The following B3GAT2 variants were observed in gnomAD, a reference collection of about 807,000 sequenced individuals.
B3GAT2 encodes galactosylgalactosylxylosylprotein 3-beta-glucuronosyltransferase 2.
In B3GAT2, 26 loss-of-function variants were observed where a neutral mutation model predicts 27.8. That is an observed-to-expected ratio of 0.93 (90% CI 0.68 to 1.30). The LOEUF is 1.30. B3GAT2 is among the 50% of genes most tolerant of loss of function. B3GAT2 has a pLI of 0.00. For missense variants in B3GAT2, 458 were observed against 459.0 expected, an observed-to-expected ratio of 1.00 and a Z score of 0.02; for synonymous variants, 218 against 195.1, an observed-to-expected ratio of 1.12 and a Z score of -0.98.
rs558888524 is a variant in B3GAT2, at chr6:70,912,861, C to T, written c.592-18589G>A. Among the ~76,000 whole-genome samples, 29 of 152,206 alleles carry T rather than the reference C, an allele frequency of 1.9e-4. 1 individual carries two copies. In the South Asian group the frequency reaches 4.6e-3, roughly 24 times the overall value. ...TTCAATTTTGGAACTTGTTATTGGT[C>T]TGTTCAGGGTTTCAATTTCTTCCTT... On this transcript the variant is annotated intron_variant, in intron 1 of 3. Transcript: ENST00000230053.
chr6:70,940,376 G>C (rs1723627628), intron 1 of B3GAT2, among the ~76,000 whole-genome samples: 8 of 152,172 alleles, frequency 5.3e-5, no homozygotes, highest in Admixed American at 5.2e-4. Flanking sequence ...TGGACACAGA[G>C]AAGGCTGGCA....
chr6:70,874,563 T>C (rs929504991), intron 2 of B3GAT2, among the ~76,000 whole-genome samples: 2 of 152,188 alleles, frequency 1.3e-5, no homozygotes, highest in African/African-American at 4.8e-5. Context: ...GTCCTACACA[T>C]CCACAAGGCC....
chr6:70,921,901 T>C (rs1456473469), intron 1 of B3GAT2, among the ~76,000 whole-genome samples: 1 of 152,214 alleles, frequency 6.6e-6, no homozygotes, highest in African/African-American at 2.4e-5. Flanking sequence ...GATGTAACGC[T>C]GATGGGCTGG....
At chr6:70,949,375 C>T (rs1185719545) in intron 1 of B3GAT2, among the ~76,000 whole-genome samples, 3 of 152,136 alleles carry the variant, frequency 2.0e-5, no homozygotes, top group African/African-American at 7.2e-5. Flanking sequence ...ACAAACAACC[C>T]CATCAACAAG....
intron 2 of B3GAT2, among the ~76,000 whole-genome samples, chr6:70,887,917 A>T (rs1308188903): frequency 6.6e-6 from 1 of 152,148 alleles, no homozygotes; most frequent in Non-Finnish European, 1.5e-5. Context: ...GGGGAACAAG[A>T]ATAGTAAGGT....
chr6:70,929,504 C>T (rs1245932050), intron 1 of B3GAT2, among the ~76,000 whole-genome samples: 1 of 152,174 alleles, frequency 6.6e-6, no homozygotes, highest in Non-Finnish European at 1.5e-5. Flanking sequence ...AGCAAAGTCT[C>T]AGGATACAAA....
At chr6:70,922,232 T>C (rs1212438245) in intron 1 of B3GAT2, among the ~76,000 whole-genome samples, 2 of 152,102 alleles carry the variant, frequency 1.3e-5, no homozygotes, top group Non-Finnish European at 2.9e-5. Flanking sequence ...AAAAAATATA[T>C]TTAAAAGGTA....
chr6:70,951,810 A>G (rs1027155125), intron 1 of B3GAT2, among the ~76,000 whole-genome samples: 2 of 152,168 alleles, frequency 1.3e-5, no homozygotes, highest in African/African-American at 4.8e-5. Flanking sequence ...ATGACTCTTA[A>G]TAGCTTTCAG....
intron 2 of B3GAT2, among the ~76,000 whole-genome samples, chr6:70,887,578 T>C (rs1772209213): frequency 6.6e-6 from 1 of 152,120 alleles, no homozygotes; most frequent in South Asian, 2.1e-4. Flanking sequence ...GAGGGCAGGA[T>C]AGTCCGGCTT....
intron 2 of B3GAT2, among the ~76,000 whole-genome samples, chr6:70,875,901 T>C (rs962845987): frequency 3.3e-5 from 5 of 152,166 alleles, no homozygotes; most frequent in Non-Finnish European, 5.9e-5. Context: ...CATAGAAAAC[T>C]GAATCTTCTA....
chr6:70,928,216 C>A (rs1772996257), intron 1 of B3GAT2, among the ~76,000 whole-genome samples: 1 of 151,876 alleles, frequency 6.6e-6, no homozygotes, highest in African/African-American at 2.4e-5. Flanking sequence ...GCACTAAATG[C>A]CCACAAGAGA....
chr6:70,882,505 A>T (rs769508073), intron 2 of B3GAT2, among the ~76,000 whole-genome samples: 14 of 152,166 alleles, frequency 9.2e-5, no homozygotes, highest in Admixed American at 6.5e-5. Flanking sequence ...CATCTCAAAA[A>T]ATAAAAAATA....
chr6:70,875,010 A>ATT (rs1480536390), intron 2 of B3GAT2, among the ~76,000 whole-genome samples: 1 of 151,964 alleles, frequency 6.6e-6, no homozygotes, highest in Non-Finnish European at 1.5e-5. Context: ...TTTTTAAAAA[A>ATT]AAAAAAACAA....
Position 70,858,209 on chromosome 6 carries a change from C to T in B3GAT2, c.*3454G>A, listed in dbSNP as rs760174961. 2 of 1,613,200 alleles carry T rather than the reference C, an allele frequency of 1.2e-6. No individual in the cohort carries two copies. The highest frequency in any genetic ancestry group is 2.2e-5 in the South Asian group (2 of 91,002). Reference sequence around the variant, plus strand: ...GTTTGGCCTGCCGCAAGCTCAGCAGCCCCAGTGGAGCCTCTCACAGGTAGG... The same window carrying T: ...GTTTGGCCTGCCGCAAGCTCAGCAGTCCCAGTGGAGCCTCTCACAGGTAGG... On this transcript the variant is annotated 3_prime_UTR_variant, in exon 4 of 4. Transcript: ENST00000230053.
Position 70,860,735 on chromosome 6 carries a change from G to A in B3GAT2, c.*928C>T. The stretch of plus-strand genomic sequence containing the variant: ...GCCAGTAATCCTGTAGGAAGGTACT[G>A]TATGATCAAATGTTTAATCATATAA... On this transcript the variant is annotated 3_prime_UTR_variant, in exon 4 of 4. Coordinates refer to ENST00000230053, the MANE Select transcript of B3GAT2 (RefSeq NM_080742.3). 2.5e-6 allele frequency: 1 copy of A among 401,372 alleles called. No homozygotes were observed. The highest frequency in any genetic ancestry group is 4.4e-6 in the Non-Finnish European group (1 of 227,378). 24.9% of individuals were successfully genotyped at this position (401,372 alleles called of 1,614,324 possible). A position where few individuals can be genotyped will look rare whatever the true frequency, so the allele number is the denominator to read the frequency against.
At chr6:70,922,983 G>A (rs1189123414) in intron 1 of B3GAT2, among the ~76,000 whole-genome samples, 1 of 152,104 alleles carries the variant, frequency 6.6e-6, no homozygotes, top group Admixed American at 6.5e-5. Flanking sequence ...ATATAAATGG[G>A]TATAACAACA....
rs190249712 is a variant in B3GAT2, at chr6:70,892,536, T to C, written c.736+1592A>G. On this transcript the variant is annotated intron_variant, in intron 2 of 3. Coordinates refer to ENST00000230053, the MANE Select transcript of B3GAT2 (RefSeq NM_080742.3). Reference sequence around the variant, plus strand: ...TGGGAAAATCTGAAGCAAAAGTCTGTCTGCGGCTGCTTGAGCAGTCACAAT... The same window carrying C: ...TGGGAAAATCTGAAGCAAAAGTCTGCCTGCGGCTGCTTGAGCAGTCACAAT... Among the ~76,000 whole-genome samples the C allele has an allele frequency of 3.5e-3, 532 of 152,262 alleles. 2 individuals are homozygous for C. Among genetic ancestry groups the C allele is most frequent in the Non-Finnish European group, 5.9e-3 (400 of 68,022 alleles).
At chr6:70,928,373 AC>A (rs1772999585) in intron 1 of B3GAT2, among the ~76,000 whole-genome samples, 1 of 151,950 alleles carries the variant, frequency 6.6e-6, no homozygotes, top group Non-Finnish European at 1.5e-5. Flanking sequence ...AAAAAAAAAA[AC>A]TTCAAAAAAT....
Position 70,858,998 on chromosome 6 carries a change from C to T in B3GAT2, c.*2665G>A, listed in dbSNP as rs1274401299. 2 of 184,712 alleles carry T rather than the reference C, an allele frequency of 1.1e-5. No homozygotes were observed. The highest frequency in any genetic ancestry group is 2.9e-4 in the East Asian group (2 of 6,916). The allele number at this position is 184,712 out of a possible 1,614,324, so 11.4% of individuals were successfully genotyped here. A position where few individuals can be genotyped will look rare whatever the true frequency, so the allele number is the denominator to read the frequency against. On this transcript the variant is annotated 3_prime_UTR_variant, in exon 4 of 4. Coordinates refer to ENST00000230053, the MANE Select transcript of B3GAT2 (RefSeq NM_080742.3). ...ACAAAGGCTCTTAGAGAGGTTCATG[C>T]TCCCACTCTTCTTCCTTTTACACTT...
Sources: allele counts gnomAD v4.1 joint callset (sites outside exome capture counted in the v4.1 genomes callset), GRCh38; gene constraint gnomAD v4.1.1; transcripts MANE v1.5; gene names NCBI Gene and HGNC (gene_info 2026-07-23, HGNC 2026-07-21).